MTHFD1L: variants seen among roughly 807,000 people sequenced by gnomAD.
MTHFD1L encodes the protein monofunctional C1-tetrahydrofolate synthase, mitochondrial.
Under a neutral mutation model 119.5 loss-of-function variants are expected in MTHFD1L, and 81 were observed. The observed-to-expected ratio is 0.68, with a 90% confidence interval of 0.57 to 0.82. The LOEUF (loss-of-function observed/expected upper bound fraction) is 0.82, where lower values mean the gene tolerates loss of function less well. MTHFD1L is among the 40% of genes least tolerant of loss of function. The pLI, the probability that MTHFD1L is intolerant of heterozygous loss-of-function variation, is 0.00. For synonymous variants in MTHFD1L, 430 were observed against 475.2 expected (o/e 0.90, Z 1.24); for missense variants, 1,125 against 1,253.4 (o/e 0.90, Z 1.55).
intron 7 of MTHFD1L, among the ~76,000 whole-genome samples, chr6:150,893,027 T>C (rs1193701474): frequency 6.6e-6 from 1 of 152,146 alleles, no homozygotes; most frequent in Admixed American, 6.6e-5. Flanking sequence ...AAAGCTTCAC[T>C]GTGAAAAACA....
At chr6:151,057,414 G>A (rs1790102766) in intron 26 of MTHFD1L, 2 of 906,108 alleles carry the variant, frequency 2.2e-6, no homozygotes, top group Admixed American at 1.2e-4. Context: ...GCTGAGGTGG[G>A]TGGATTGCTT....
At chr6:151,007,220 C>G (rs1298513202) in intron 20 of MTHFD1L, among the ~76,000 whole-genome samples, 3 of 151,878 alleles carry the variant, frequency 2.0e-5, no homozygotes, top group Non-Finnish European at 4.4e-5. Flanking sequence ...ATCACCCCCT[C>G]TCTCCAACCC....
chr6:151,058,668 A>T (rs1790277406), intron 26 of MTHFD1L, among the ~76,000 whole-genome samples: 1 of 151,578 alleles, frequency 6.6e-6, no homozygotes. Flanking sequence ...CTTTTCAAGG[A>T]CTCCTGCCCC....
intron 21 of MTHFD1L, among the ~76,000 whole-genome samples, chr6:151,012,022 A>C (rs9383857): frequency 9.4e-3 from 597 of 63,550 alleles, no homozygotes; most frequent in East Asian, 0.04. Flanking sequence ...ACAACAACAA[A>C]AAAAAAAAAA....
intron 1 of MTHFD1L, among the ~76,000 whole-genome samples, chr6:150,873,043 G>A (rs1478634755): frequency 2.0e-5 from 3 of 151,962 alleles, no homozygotes; most frequent in Non-Finnish European, 2.9e-5. Context: ...TCAGCCCGGC[G>A]AGGTGGCTCA....
chr6:150,971,387 A>G (rs1047340322), intron 19 of MTHFD1L, among the ~76,000 whole-genome samples: 11 of 152,070 alleles, frequency 7.2e-5, no homozygotes, highest in African/African-American at 2.7e-4. Flanking sequence ...TTTTTAGTAG[A>G]GACGGGTTTC....
intron 24 of MTHFD1L, among the ~76,000 whole-genome samples, chr6:151,016,320 C>A (rs1252463003): frequency 6.6e-6 from 1 of 151,146 alleles, no homozygotes; most frequent in Admixed American, 6.6e-5. Context: ...GAGGTATTTT[C>A]CTTGTTCATT....
intron 20 of MTHFD1L, among the ~76,000 whole-genome samples, chr6:150,981,576 C>T (rs1187248144): frequency 2.0e-5 from 3 of 152,156 alleles, no homozygotes; most frequent in Admixed American, 6.5e-5. Flanking sequence ...TGCACTTTTT[C>T]TGTAAATGGC....
chr6:150,875,109 G>A (rs886391320), intron 1 of MTHFD1L, among the ~76,000 whole-genome samples: 19 of 151,568 alleles, frequency 1.3e-4, no homozygotes, highest in African/African-American at 4.1e-4. Context: ...AGGCTGGAGT[G>A]CAGTGGTGCA....
chr6:150,925,808 G>A (rs1485879112), intron 10 of MTHFD1L, among the ~76,000 whole-genome samples: 1 of 151,966 alleles, frequency 6.6e-6, no homozygotes. Context: ...CTCTGTAGTC[G>A]AATCACACTT....
At chr6:151,090,994 G>A (rs1276305423) in intron 26 of MTHFD1L, among the ~76,000 whole-genome samples, 403 of 122,406 alleles carry the variant, frequency 3.3e-3, no homozygotes, top group East Asian at 7.9e-3. Flanking sequence ...GTGCAGCATC[G>A]TTCCATGCGA....
At chr6:150,963,583 T>C (rs548676069) in intron 18 of MTHFD1L, among the ~76,000 whole-genome samples, 1 of 152,166 alleles carries the variant, frequency 6.6e-6, no homozygotes, top group Non-Finnish European at 1.5e-5. Context: ...ACCAATCACA[T>C]GAGAGAAACA....
At chr6:151,058,728 G>A (rs545708396) in intron 26 of MTHFD1L, among the ~76,000 whole-genome samples, 1 of 152,310 alleles carries the variant, frequency 6.6e-6, no homozygotes, top group African/African-American at 2.4e-5. Context: ...GTGGACACGT[G>A]CACATCAGTC....
At chr6:151,068,875 T>C (rs1414922912) in intron 26 of MTHFD1L, among the ~76,000 whole-genome samples, 1 of 152,202 alleles carries the variant, frequency 6.6e-6, no homozygotes, top group African/African-American at 2.4e-5. Context: ...ATAGTAGCAG[T>C]ACTCGTGCAC....
intron 26 of MTHFD1L, among the ~76,000 whole-genome samples, chr6:151,067,230 G>A (rs1397079096): frequency 2.6e-5 from 4 of 152,000 alleles, no homozygotes; most frequent in African/African-American, 4.8e-5. Flanking sequence ...CTGACCTCAT[G>A]AGCCACCGCT....
At chr6:151,012,064 A>G (rs904056251) in intron 21 of MTHFD1L, among the ~76,000 whole-genome samples, 1 of 145,316 alleles carries the variant, frequency 6.9e-6, no homozygotes, top group African/African-American at 2.5e-5. Context: ...AGCAGGGACC[A>G]GGAAGCCCTG....
At chr6:150,988,395 A>C (rs1345050144) in intron 20 of MTHFD1L, among the ~76,000 whole-genome samples, 1 of 152,046 alleles carries the variant, frequency 6.6e-6, no homozygotes, top group African/African-American at 2.4e-5. Context: ...TATTGCAATT[A>C]TATGAGGTCG....
At chr6:151,091,394 C>A (rs933352005) in intron 26 of MTHFD1L, among the ~76,000 whole-genome samples, 1 of 152,128 alleles carries the variant, frequency 6.6e-6, no homozygotes, top group South Asian at 2.1e-4. Context: ...AGGATCTAGA[C>A]CCTGGAGCAG....
intron 27 of MTHFD1L, chr6:151,100,055 A>G (rs1413496415): frequency 1.7e-5 from 10 of 588,690 alleles, no homozygotes; most frequent in Non-Finnish European, 2.3e-5. Context: ...TTTTTTTGAG[A>G]CGCAGTCTCG....
Sources: allele counts gnomAD v4.1 joint callset (sites outside exome capture counted in the v4.1 genomes callset), GRCh38; gene constraint gnomAD v4.1.1; transcripts MANE v1.5; gene names NCBI Gene and HGNC (gene_info 2026-07-23, HGNC 2026-07-21).